Variants in CADM1 observed in about 807,000 individuals in gnomAD.
CADM1 encodes the protein cell adhesion molecule 1.
Under a neutral mutation model 53.1 loss-of-function variants are expected in CADM1, and 15 were observed. The ratio of observed to expected loss-of-function variants is 0.28; its 90% CI spans 0.19 to 0.44. CADM1 has a LOEUF of 0.44. Among genes scored for constraint, CADM1 ranks in the 20% least tolerant of loss-of-function variants. The pLI is 1.00. For synonymous variants in CADM1, 281 were observed against 243.0 expected, an observed-to-expected ratio of 1.16 and a Z score of -1.45; for missense variants, 434 against 611.3, an observed-to-expected ratio of 0.71 and a Z score of 3.06.
intron 1 of CADM1, among the ~76,000 whole-genome samples, chr11:115,386,790 GA>G (rs1946710185): frequency 6.6e-6 from 1 of 152,170 alleles, no homozygotes; most frequent in Non-Finnish European, 1.5e-5. Flanking sequence ...GTTTCAACAT[GA>G]GTTTTGGAGG....
intron 1 of CADM1, among the ~76,000 whole-genome samples, chr11:115,466,856 G>C (rs1344623584): frequency 1.3e-5 from 2 of 152,116 alleles, no homozygotes; most frequent in African/African-American, 4.8e-5. Context: ...TTGAATCGTA[G>C]GTCTCAGATT....
At chr11:115,309,714 A>G (rs901170822) in intron 1 of CADM1, among the ~76,000 whole-genome samples, 2 of 152,124 alleles carry the variant, frequency 1.3e-5, no homozygotes, top group African/African-American at 2.4e-5. Context: ...TTCCGGTTCT[A>G]TCCCCCGGCC....
At chr11:115,368,835 C>T (rs576914465) in intron 1 of CADM1, among the ~76,000 whole-genome samples, 1 of 151,696 alleles carries the variant, frequency 6.6e-6, no homozygotes, top group Admixed American at 6.6e-5. Flanking sequence ...ACATGATAGC[C>T]ACTAGCCACA....
At chr11:115,405,536 C>T (rs1320600917) in intron 1 of CADM1, among the ~76,000 whole-genome samples, 3 of 152,280 alleles carry the variant, frequency 2.0e-5, no homozygotes, top group Non-Finnish European at 4.4e-5. Context: ...GAATGGTCAT[C>T]CTTTCACTGG....
intron 1 of CADM1, among the ~76,000 whole-genome samples, chr11:115,447,838 G>C (rs891430060): frequency 6.6e-6 from 1 of 152,200 alleles, no homozygotes; most frequent in Non-Finnish European, 1.5e-5. Flanking sequence ...CAACTTCTCT[G>C]CCACAGTGAG....
At position 115,279,769 on chromosome 11, in the gene CADM1, A is replaced by G. The variant is rs932005994; in HGVS notation, c.125-39349T>C. On this transcript the variant is annotated intron_variant, in intron 1 of 11. Transcript: ENST00000331581. ...TTATAAAAAATATATGTAATTTTTC[A>G]CACATACCCAAATATATTAAGCGCA... Among the ~76,000 whole-genome samples the G allele has an allele frequency of 3.9e-5, 6 of 152,346 alleles. No individual in the cohort carries two copies. In the East Asian group the frequency reaches 1.2e-3, roughly 29 times the overall value.
intron 2 of CADM1, among the ~76,000 whole-genome samples, chr11:115,239,614 T>C (rs1329341013): frequency 1.3e-5 from 2 of 152,162 alleles, no homozygotes; most frequent in African/African-American, 2.4e-5. Flanking sequence ...CCACAGGTCA[T>C]GAATGACCCT....
At chr11:115,402,754 C>T (rs1443873640) in intron 1 of CADM1, among the ~76,000 whole-genome samples, 1 of 151,890 alleles carries the variant, frequency 6.6e-6, no homozygotes, top group Non-Finnish European at 1.5e-5. Context: ...ACTACATACT[C>T]CGTTTATGAG....
intron 1 of CADM1, among the ~76,000 whole-genome samples, chr11:115,350,705 TAAAA>T (rs1457679316): frequency 6.6e-6 from 1 of 152,042 alleles, no homozygotes; most frequent in African/African-American, 2.4e-5. Context: ...TTTCATGCCT[TAAAA>T]GAACTTAGCG....
intron 1 of CADM1, among the ~76,000 whole-genome samples, chr11:115,285,516 A>T (rs11215464): frequency 0.2 from 30,775 of 152,148 alleles, 3,370 homozygotes; most frequent in South Asian, 0.33. Flanking sequence ...GAATCGTTGA[A>T]AGAGTTTTAC....
chr11:115,218,583 G>C (rs963314618), intron 5 of CADM1, among the ~76,000 whole-genome samples: 3 of 152,102 alleles, frequency 2.0e-5, no homozygotes, highest in Non-Finnish European at 2.9e-5. Flanking sequence ...ACTCCCCTAG[G>C]AACCATCATT....
chr11:115,407,569 A>C (rs1301027979), intron 1 of CADM1, among the ~76,000 whole-genome samples: 1 of 152,176 alleles, frequency 6.6e-6, no homozygotes. Flanking sequence ...TTTTATTTCA[A>C]ATTTAACTTC....
rs952635524 is a variant in CADM1 at position 115,259,250 on chromosome 11, T to C, written c.125-18830A>G. Among the ~76,000 whole-genome samples the C allele has an allele frequency of 1.6e-4, 23 of 147,764 alleles. 1 individual carries two copies. The highest frequency in any genetic ancestry group is 5.8e-4 in the African/African-American group (23 of 39,734). On this transcript the variant is annotated intron_variant, in intron 1 of 11. Coordinates refer to ENST00000331581, the MANE Select transcript of CADM1 (RefSeq NM_001301043.2). ...ATCTGCCCACCTCAGGCTCCCAAAG[T>C]GCTGGAATTACAGGCGTGCGCCACC...
In CADM1 at chr11:115,355,591, G is replaced by A. The variant is rs367570665; in HGVS notation, c.125-115171C>T. 9.9e-5 allele frequency among the ~76,000 whole-genome samples: 15 copies of A among 151,914 alleles called. No homozygotes were observed. The East Asian group carries it at 1.5e-3, about 16-fold the overall frequency. The stretch of plus-strand genomic sequence containing the variant: ...GCGTAAGTTTAACCATATTACAAAC[G>A]TGCATATGTACCTCTGACCCTAAAA... On this transcript the variant is annotated intron_variant, in intron 1 of 11. Coordinates refer to ENST00000331581, the MANE Select transcript of CADM1 (RefSeq NM_001301043.2).
chr11:115,238,487 A>G lies in CADM1; in HGVS notation c.424+13T>C, dbSNP rs1942090131. The G allele has an allele frequency of 1.2e-6, 2 of 1,613,696 alleles. No homozygotes were observed. Among genetic ancestry groups the G allele is most frequent in the East Asian group, 2.2e-5 (1 of 44,876 alleles). ...TTCCATTTCCCCGGGTAAGCCCCAC[A>G]TGCGTTTCTTACCCAGGACTGTGAT... On this transcript the variant is annotated intron_variant, in intron 3 of 11. Transcript: ENST00000331581.
At chr11:115,319,376 A>G (rs1944761763) in intron 1 of CADM1, among the ~76,000 whole-genome samples, 1 of 152,184 alleles carries the variant, frequency 6.6e-6, no homozygotes, top group African/African-American at 2.4e-5. Context: ...CCAACTGAGG[A>G]TGGTGAAGCA....
chr11:115,312,983 A>C (rs1944569838), intron 1 of CADM1, among the ~76,000 whole-genome samples: 1 of 152,150 alleles, frequency 6.6e-6, no homozygotes, highest in South Asian at 2.1e-4. Context: ...AGAGGAAAGT[A>C]TGCTGTAAAT....
intron 1 of CADM1, chr11:115,240,861 G>C (rs910434236): frequency 4.6e-6 from 1 of 216,856 alleles, no homozygotes; most frequent in African/African-American, 2.3e-5. Context: ...AATAGAAGTA[G>C]GTAGGAGGGT....
rs560291615 is a variant in CADM1 at position 115,194,934 on chromosome 11, T to A, written c.1111+3472A>T. Among the ~76,000 whole-genome samples, 64 of 152,290 alleles carry A rather than the reference T, an allele frequency of 4.2e-4. No homozygotes were observed. The South Asian group carries it at 0.012, about 28-fold the overall frequency. On this transcript the variant is annotated intron_variant, in intron 9 of 11. Coordinates refer to ENST00000331581, the MANE Select transcript of CADM1 (RefSeq NM_001301043.2). ...CATCAAGAACATAATGACTACACCA[T>A]CCGTGCGTTAAATCACTCATGCATT...
Sources: gnomAD v4.1 joint callset for allele counts (sites outside exome capture counted in the v4.1 genomes callset) on GRCh38, gnomAD v4.1.1 for gene constraint, MANE v1.5 for transcripts, NCBI Gene and HGNC (gene_info 2026-07-23, HGNC 2026-07-21) for gene names.